PCDHGA2: variants seen among roughly 807,000 people sequenced by gnomAD.
The protein encoded by PCDHGA2 is protocadherin gamma-A2.
PCDHGA2 carries 40 observed loss-of-function variants against 59.2 expected under a neutral mutation model. That is an observed-to-expected ratio of 0.68 (90% CI 0.52 to 0.88). The LOEUF (loss-of-function observed/expected upper bound fraction) is 0.88. PCDHGA2 is among the 40% of genes least tolerant of loss of function. PCDHGA2 has a pLI of 0.00. For synonymous variants in PCDHGA2, 560 were observed against 526.0 expected, an observed-to-expected ratio of 1.06 and a Z score of -0.89; for missense variants, 1,226 against 1,204.0, an observed-to-expected ratio of 1.02 and a Z score of -0.27.
At chr5:141,376,311 T>G in intron 1 of PCDHGA2, 1 of 1,613,882 alleles carries the variant, frequency 6.2e-7, no homozygotes, top group Non-Finnish European at 8.5e-7. Context: ...TTTGTGGGCG[T>G]GGAAGGGGTT....
intron 1 of PCDHGA2, chr5:141,427,848 C>A: frequency 6.4e-7 from 1 of 1,551,668 alleles, no homozygotes; most frequent in Non-Finnish European, 8.8e-7. Flanking sequence ...CGACCACGAG[C>A]AGCTGTGCGC....
chr5:141,394,487 C>T (rs371014360), intron 1 of PCDHGA2: 11 of 1,614,248 alleles, frequency 6.8e-6, no homozygotes, highest in African/African-American at 5.3e-5. Context: ...AGAATGACAA[C>T]GCGCCCGAGA....
chr5:141,423,956 A>T, intron 1 of PCDHGA2: 4 of 1,182,724 alleles, frequency 3.4e-6, no homozygotes, highest in Non-Finnish European at 4.2e-6. Context: ...TTTTAGTATT[A>T]TTTTTCTATT....
chr5:141,494,953 T>G, intron 2 of PCDHGA2, 88 bp downstream of exon 2: 1 of 1,604,164 alleles, frequency 6.2e-7, no homozygotes, highest in Non-Finnish European at 8.5e-7. Flanking sequence ...GCCCAGCATT[T>G]GCTACAGATG....
intron 1 of PCDHGA2, among the ~76,000 whole-genome samples, chr5:141,450,025 G>C (rs963999877): frequency 2.7e-5 from 1 of 36,752 alleles, no homozygotes; most frequent in Non-Finnish European, 5.4e-5. Context: ...TTTTTTTTTT[G>C]AGACAGGGTC....
intron 2 of PCDHGA2, among the ~76,000 whole-genome samples, chr5:141,498,839 A>C (rs2099786236): frequency 6.6e-6 from 1 of 152,062 alleles, no homozygotes; most frequent in Non-Finnish European, 1.5e-5. Context: ...AGGCTGAGGC[A>C]GGGGAATCGC....
chr5:141,401,458 A>T (rs1470076616), intron 1 of PCDHGA2, among the ~76,000 whole-genome samples: 1 of 152,186 alleles, frequency 6.6e-6, no homozygotes, highest in Non-Finnish European at 1.5e-5. Context: ...CATCCAAATA[A>T]TTTTCTAAGT....
At chr5:141,427,890 G>A in intron 1 of PCDHGA2, 1 of 1,566,844 alleles carries the variant, frequency 6.4e-7, no homozygotes, top group Non-Finnish European at 8.7e-7. Flanking sequence ...CCACGACCAG[G>A]GCTCGCCCGC....
rs202220616 is a variant in PCDHGA2, at chr5:141,389,200, A to G, written c.2424+47805A>G. On this transcript the variant is annotated intron_variant, in intron 1 of 3. Coordinates refer to ENST00000394576, the MANE Select transcript of PCDHGA2 (RefSeq NM_018915.4). ...TCCTCCAGTTCCAGCATCACCCTGC[A>G]CATTGGTGATGTAAATGACAACGCT... is the stretch of plus-strand genomic sequence containing the variant. 1,731 of 1,614,032 alleles carry G rather than the reference A, an allele frequency of 1.1e-3. 2 individuals carry two copies. Among genetic ancestry groups the G allele is most frequent in the Non-Finnish European group, 1.4e-3 (1,628 of 1,179,874 alleles).
chr5:141,389,303 G>A (rs773665051), intron 1 of PCDHGA2: 4 of 1,613,882 alleles, frequency 2.5e-6, no homozygotes, highest in Non-Finnish European at 3.4e-6. Context: ...CACAAGTCAG[G>A]GCTTCTGATC....
intron 1 of PCDHGA2, chr5:141,399,754 A>G: frequency 6.2e-7 from 1 of 1,613,326 alleles, no homozygotes; most frequent in Non-Finnish European, 8.5e-7. Flanking sequence ...CGCAAACGTG[A>G]GCCTGCGCGT....
chr5:141,414,868 G>A (rs1346192710), intron 1 of PCDHGA2: 1 of 1,614,098 alleles, frequency 6.2e-7, no homozygotes, highest in African/African-American at 1.3e-5. Flanking sequence ...CAATGCGCCC[G>A]AGATCCTGTA....
chr5:141,478,633 TGATGAA>T, intron 1 of PCDHGA2: 4 of 1,553,032 alleles, frequency 2.6e-6, no homozygotes, highest in Non-Finnish European at 3.5e-6. Flanking sequence ...GTTTTTTTAG[TGATGAA>T]GATGTTTTCC....
At chr5:141,397,255 T>C (rs1471539186) in intron 1 of PCDHGA2, among the ~76,000 whole-genome samples, 2 of 152,214 alleles carry the variant, frequency 1.3e-5, no homozygotes, top group Admixed American at 6.5e-5. Flanking sequence ...GGGTATATCA[T>C]TTCTTAGCTA....
chr5:141,425,585 A>T (rs1270579511), intron 1 of PCDHGA2, among the ~76,000 whole-genome samples: 1 of 152,252 alleles, frequency 6.6e-6, no homozygotes, highest in Non-Finnish European at 1.5e-5. Context: ...GGCTAACTTT[A>T]TTCTGAATAT....
At chr5:141,372,237 G>A in intron 1 of PCDHGA2, 2 of 1,613,294 alleles carry the variant, frequency 1.2e-6, no homozygotes, top group Non-Finnish European at 1.7e-6. Flanking sequence ...CAGCGAGCCC[G>A]GGCTGTTCAG....
chr5:141,403,324 T>C (rs769971532), intron 1 of PCDHGA2: 9 of 1,613,974 alleles, frequency 5.6e-6, no homozygotes, highest in Non-Finnish European at 6.8e-6. Context: ...TAGAAGTAAC[T>C]GATATTAACG....
At chr5:141,364,892 G>A in intron 1 of PCDHGA2, 1 of 1,613,984 alleles carries the variant, frequency 6.2e-7, no homozygotes, top group South Asian at 1.1e-5. Flanking sequence ...CGGAACTGAT[G>A]GACAAAAGTA....
chr5:141,362,973 G>C (rs1762750308), intron 1 of PCDHGA2, among the ~76,000 whole-genome samples: 1 of 152,216 alleles, frequency 6.6e-6, no homozygotes, highest in Non-Finnish European at 1.5e-5. Flanking sequence ...AAAGAAGAAA[G>C]ACTTTTGCAT....
Sources: gnomAD v4.1 joint callset for allele counts (sites outside exome capture counted in the v4.1 genomes callset) on GRCh38, gnomAD v4.1.1 for gene constraint, MANE v1.5 for transcripts, NCBI Gene and HGNC (gene_info 2026-07-23, HGNC 2026-07-21) for gene names.